Variants in OR10J1 observed in about 807,000 individuals in gnomAD.
OR10J1 encodes olfactory receptor 10J1.
For missense variants in OR10J1, 474 were observed against 376.6 expected (o/e 1.26, Z -2.14); for synonymous variants, 202 against 143.8 (o/e 1.40, Z -2.89).
the OR10J1 span, among the ~76,000 whole-genome samples, chr1:159,400,795 C>T: frequency 6.6e-6 from 1 of 151,750 alleles, no homozygotes; most frequent in Non-Finnish European, 1.5e-5. Context: ...CAGAACATTT[C>T]ATACAAGAGC....
the OR10J1 span, among the ~76,000 whole-genome samples, chr1:159,417,380 T>C: frequency 1.3e-5 from 2 of 152,186 alleles, no homozygotes; most frequent in Non-Finnish European, 2.9e-5. Context: ...TAAATTGTAG[T>C]TCCCATAATT....
In OR10J1 at chr1:159,440,855, C is replaced by A. The variant is rs1177885189; in HGVS notation, c.*134C>A. The A allele has an allele frequency of 5.6e-6, 5 of 897,824 alleles. No homozygotes were observed. Among genetic ancestry groups the A allele is most frequent in the Admixed American group, 2.6e-5 (1 of 38,050 alleles). 55.6% of individuals were successfully genotyped at this position (897,824 alleles called of 1,614,324 possible). ...GCAAAAGAGGAATAGCAGTTTCATA[C>A]AACTGGGAGTCTGAAGCTTTAAATA... On this transcript the variant is annotated 3_prime_UTR_variant, in exon 1 of 1. Coordinates refer to ENST00000423932, the MANE Select transcript of OR10J1 (RefSeq NM_012351.3).
At chr1:159,419,752 T>A in the OR10J1 span, among the ~76,000 whole-genome samples, 1 of 152,250 alleles carries the variant, frequency 6.6e-6, no homozygotes, top group African/African-American at 2.4e-5. Flanking sequence ...TAACATATGA[T>A]CTATTTTGGA....
chr1:159,424,992 C>T, the OR10J1 span, among the ~76,000 whole-genome samples: 2 of 151,936 alleles, frequency 1.3e-5, no homozygotes, highest in Non-Finnish European at 2.9e-5. Context: ...AAAAACACAT[C>T]GTGTTAAAAG....
chr1:159,428,250 G>A, the OR10J1 span, among the ~76,000 whole-genome samples: 1 of 152,134 alleles, frequency 6.6e-6, no homozygotes, highest in Non-Finnish European at 1.5e-5. Flanking sequence ...AAAATGTGCA[G>A]ATGATGTAGT....
At chr1:159,426,750 A>AT in the OR10J1 span, among the ~76,000 whole-genome samples, 1 of 151,816 alleles carries the variant, frequency 6.6e-6, no homozygotes, top group African/African-American at 2.4e-5. Flanking sequence ...TTATGTAAAT[A>AT]TTTTTTTCAT....
chr1:159,413,823 A>G, the OR10J1 span, among the ~76,000 whole-genome samples: 1 of 151,946 alleles, frequency 6.6e-6, no homozygotes, highest in Non-Finnish European at 1.5e-5. Context: ...CATGTACCCT[A>G]AAACTTAAAG....
chr1:159,411,866 G>C, the OR10J1 span, among the ~76,000 whole-genome samples: 1 of 151,978 alleles, frequency 6.6e-6, no homozygotes, highest in Non-Finnish European at 1.5e-5. Flanking sequence ...GAAATAAAGG[G>C]TATTCAATTA....
At chr1:159,407,425 A>G in the OR10J1 span, among the ~76,000 whole-genome samples, 1 of 152,120 alleles carries the variant, frequency 6.6e-6, no homozygotes, top group Non-Finnish European at 1.5e-5. Context: ...TGTGAGGATT[A>G]AATCCATTAA....
the OR10J1 span, among the ~76,000 whole-genome samples, chr1:159,402,491 T>A: frequency 7.2e-5 from 11 of 151,986 alleles, no homozygotes; most frequent in South Asian, 6.2e-4. Context: ...ACAAATTTTT[T>A]AAAAAAAATC....
rs780455945 is a variant in OR10J1, at chr1:159,440,558, T to A, written c.767T>A (p.Ile256Asn). ...VVIVHYSCAS[I>N]AYLKPKSENT... Reference sequence around the variant, plus strand: ...ATTGTCCACTACAGCTGTGCCTCCATTGCCTACCTCAAGCCCAAGTCAGAG... The same window carrying A: ...ATTGTCCACTACAGCTGTGCCTCCAATGCCTACCTCAAGCCCAAGTCAGAG... The change falls in exon 1 of 1, where the codon ATT becomes AAT. Residue 256 changes from isoleucine (I) to asparagine (N), a missense_variant. Transcript: ENST00000423932. 1 of 1,613,952 alleles carries A rather than the reference T, an allele frequency of 6.2e-7. No individual in the cohort carries two copies. The highest frequency in any genetic ancestry group is 8.5e-7 in the Non-Finnish European group (1 of 1,179,974).
At chr1:159,403,519 A>C in the OR10J1 span, among the ~76,000 whole-genome samples, 1 of 152,338 alleles carries the variant, frequency 6.6e-6, no homozygotes, top group African/African-American at 2.4e-5. Context: ...AAATGTGCTC[A>C]ACGTCATTGA....
In OR10J1 at chr1:159,440,775, T is replaced by C; in HGVS notation, c.*54T>C. 1 of 1,559,028 alleles carries C rather than the reference T, an allele frequency of 6.4e-7. No individual in the cohort carries two copies. The highest frequency in any genetic ancestry group is 8.7e-7 in the Non-Finnish European group (1 of 1,150,604). ...TCAACATCCACACTAGGCAGGAATA[T>C]GAGGTGTAAACTCACAAACACTTGG... On this transcript the variant is annotated 3_prime_UTR_variant, in exon 1 of 1. Transcript: ENST00000423932.
chr1:159,414,968 T>C, the OR10J1 span, among the ~76,000 whole-genome samples: 6 of 152,152 alleles, frequency 3.9e-5, no homozygotes, highest in Admixed American at 3.9e-4. Context: ...ATATTCTGGA[T>C]ATTAGTCCCT....
At chr1:159,417,442 G>A in the OR10J1 span, among the ~76,000 whole-genome samples, 3 of 152,192 alleles carry the variant, frequency 2.0e-5, no homozygotes, top group East Asian at 3.9e-4. Context: ...CATGGGAGCA[G>A]GTCTTTCTCA....
chr1:159,413,814 A>C, the OR10J1 span, among the ~76,000 whole-genome samples: 1 of 151,970 alleles, frequency 6.6e-6, no homozygotes, highest in Non-Finnish European at 1.5e-5. Context: ...CATTGTGCAC[A>C]TGTACCCTAA....
the OR10J1 span, among the ~76,000 whole-genome samples, chr1:159,423,181 G>T: frequency 1.3e-5 from 2 of 152,124 alleles, no homozygotes; most frequent in South Asian, 4.2e-4. Context: ...CCTTATAAAA[G>T]CCATGCTGCT....
At chr1:159,422,740 G>A in the OR10J1 span, among the ~76,000 whole-genome samples, 1 of 152,304 alleles carries the variant, frequency 6.6e-6, no homozygotes, top group East Asian at 1.9e-4. Flanking sequence ...TCCCCAGGAA[G>A]TTCCCTATGT....
the OR10J1 span, among the ~76,000 whole-genome samples, chr1:159,421,908 G>A: frequency 4.6e-5 from 7 of 152,156 alleles, no homozygotes; most frequent in Admixed American, 4.6e-4. Context: ...GTGGCAGGGA[G>A]GGTGGGCAGG....
Sources: gnomAD v4.1 joint callset for allele counts (sites outside exome capture counted in the v4.1 genomes callset) on GRCh38, gnomAD v4.1.1 for gene constraint, MANE v1.5 for transcripts, NCBI Gene and HGNC (gene_info 2026-07-23, HGNC 2026-07-21) for gene names.